SKA1: variants seen among roughly 807,000 people sequenced by gnomAD.
SKA1 encodes SKA complex subunit 1.
A neutral mutation model predicts 31.8 loss-of-function variants in SKA1; 20 were observed. The observed-to-expected ratio is 0.63, with a 90% confidence interval of 0.44 to 0.91. SKA1 has a LOEUF of 0.91. Ranked by LOEUF, SKA1 falls within the 40% of genes least tolerant of loss-of-function variation. The pLI, the probability that SKA1 is intolerant of heterozygous loss-of-function variation, is 0.00. For missense variants in SKA1, 253 were observed against 298.2 expected (o/e 0.85, Z 1.12); for synonymous variants, 88 against 100.5 (o/e 0.88, Z 0.74).
intron 4 of SKA1, 103 bp from the exon 5 acceptor site, chr18:50,385,113 C>A: frequency 1.1e-6 from 1 of 908,612 alleles, no homozygotes; most frequent in Non-Finnish European, 1.6e-6. Context: ...AAGATTATAA[C>A]AGGATGAGTT....
At chr18:50,386,208 A>C (rs918729287) in intron 5 of SKA1, among the ~76,000 whole-genome samples, 1 of 152,166 alleles carries the variant, frequency 6.6e-6, no homozygotes, top group Non-Finnish European at 1.5e-5. Flanking sequence ...AACTTGTAGC[A>C]TTTCCTCATT....
chr18:50,380,961 T>G (rs1395978214), intron 3 of SKA1, among the ~76,000 whole-genome samples: 1 of 152,240 alleles, frequency 6.6e-6, no homozygotes, highest in Admixed American at 6.5e-5. Flanking sequence ...CTGTAAAGAT[T>G]GTTCAGCTAT....
intron 2 of SKA1, among the ~76,000 whole-genome samples, chr18:50,376,249 A>G (rs1375423589): frequency 6.6e-6 from 1 of 152,164 alleles, no homozygotes; most frequent in Non-Finnish European, 1.5e-5. Context: ...AATGATGGAG[A>G]TGTGTTCTGA....
At chr18:50,383,013 G>C (rs944839371) in intron 4 of SKA1, among the ~76,000 whole-genome samples, 10 of 151,652 alleles carry the variant, frequency 6.6e-5, no homozygotes, top group African/African-American at 2.4e-4. Context: ...CAGGCTGGGC[G>C]ACAGAGTAAG....
intron 4 of SKA1, among the ~76,000 whole-genome samples, chr18:50,384,755 TA>T: frequency 7.5e-6 from 1 of 133,506 alleles, no homozygotes; most frequent in African/African-American, 3.5e-5. Context: ...TACCTAATGC[TA>T]GATGACACGT....
intron 4 of SKA1, among the ~76,000 whole-genome samples, chr18:50,384,871 T>TAAAAAAAAAAAAAAAAAAAAAAAAAAA (rs10608403): frequency 8.5e-5 from 7 of 82,600 alleles, no homozygotes; most frequent in South Asian, 4.2e-4. Flanking sequence ...AAAAAAAAAT[T>TAAAAAAAAAAAAAAAAAAAAAAAAAAA]AAAAAAAAAA....
Position 50,394,055 on chromosome 18 carries a change from G to C in SKA1, c.*1808G>C, listed in dbSNP as rs1379345219. The C allele has an allele frequency of 1.3e-5, 2 of 152,246 alleles. No individual in the cohort carries two copies. The highest frequency in any genetic ancestry group is 4.8e-5 in the African/African-American group (2 of 41,456). 9.4% of individuals were successfully genotyped at this position (152,246 alleles called of 1,614,324 possible). On this transcript the variant is annotated 3_prime_UTR_variant, in exon 7 of 7. Transcript: ENST00000285116. ...AGGTGACGCACTCCAGCTTTATGAA[G>C]TCAGCAAGTCCTGTGCTCAGGATGC...
At chr18:50,388,618 GTTTC>G (rs1349523273) in intron 5 of SKA1, among the ~76,000 whole-genome samples, 1 of 152,142 alleles carries the variant, frequency 6.6e-6, no homozygotes, top group Non-Finnish European at 1.5e-5. Context: ...CTTCTAAGGT[GTTTC>G]TTAGCTAGAC....
chr18:50,391,164 G>A lies in SKA1; in HGVS notation c.490G>A (p.Val164Ile), dbSNP rs2041353532. ...SRLTYNQIND[V>I]IKEINKAVIS... The stretch of plus-strand genomic sequence containing the variant: ...CTTAACCTATAATCAAATTAATGAT[G>A]TTATTAAAGAAATCAACAAGGCAGT... The change falls in exon 6 of 7, where the codon GTT (valine) becomes ATT (isoleucine). Residue 164 changes from valine to isoleucine, a missense_variant. Transcript: ENST00000285116. 2 of 1,578,586 alleles carry A rather than the reference G, an allele frequency of 1.3e-6. No individual in the cohort carries two copies. The highest frequency in any genetic ancestry group is 1.4e-5 in the African/African-American group (1 of 73,068).
intron 1 of SKA1, 25 bp from the exon 2 acceptor site, chr18:50,375,795 A>AAT (rs761189391): frequency 2.5e-5 from 35 of 1,404,636 alleles, no homozygotes; most frequent in Non-Finnish European, 3.1e-5. Context: ...TCTTGTTACG[A>AAT]ATATGTTTAT....
At chr18:50,380,789 C>T (rs1284733344) in intron 3 of SKA1, among the ~76,000 whole-genome samples, 1 of 152,194 alleles carries the variant, frequency 6.6e-6, no homozygotes, top group Admixed American at 6.5e-5. Context: ...TTATTCTAAA[C>T]AAGCCTTCAA....
chr18:50,381,706 G>A (rs17717589), intron 3 of SKA1, among the ~76,000 whole-genome samples: 6,623 of 145,360 alleles, frequency 0.046, 217 homozygotes, highest in Non-Finnish European at 0.07. Context: ...TGCATTTTCG[G>A]TACTCCAGTC....
At position 50,385,332 on chromosome 18, in the gene SKA1, A is replaced by G. The variant is rs1193109861; in HGVS notation, c.428A>G (p.Asp143Gly). 2.7e-5 allele frequency: 43 copies of G among 1,613,252 alleles called. No individual in the cohort carries two copies. Among genetic ancestry groups the G allele is most frequent in the Non-Finnish European group, 3.6e-5 (42 of 1,179,552 alleles). Residue 143 changes from aspartate (D) to glycine (G), a missense_variant, in exon 5 of 7, where the codon GAT becomes GGT. Transcript: ENST00000285116. ...SIKEMPFITC[D>G]EFNGVPSYMK... ...AAGGAAATGCCATTTATAACTTGTG[A>G]TGAGTTCAATGGTGTTCCTTCGTAA...
At chr18:50,385,067 A>G (rs1320314047) in intron 4 of SKA1, 149 bp from the exon 5 acceptor site, 1 of 601,888 alleles carries the variant, frequency 1.7e-6, no homozygotes, top group Non-Finnish European at 2.8e-6. Flanking sequence ...ATGTTCATGA[A>G]CAATAGACAT....
intron 6 of SKA1, 118 bp downstream of exon 6, chr18:50,391,411 C>A: frequency 2.0e-6 from 2 of 1,015,536 alleles, no homozygotes; most frequent in Non-Finnish European, 2.7e-6. Context: ...CAACCAGGAG[C>A]AGTTATCCTA....
At chr18:50,383,403 C>T (rs574240446) in intron 4 of SKA1, among the ~76,000 whole-genome samples, 3 of 152,282 alleles carry the variant, frequency 2.0e-5, no homozygotes, top group East Asian at 1.9e-4. Context: ...CTCCTACCTG[C>T]TTTACTCATT....
intron 3 of SKA1, among the ~76,000 whole-genome samples, chr18:50,381,722 GGTT>G (rs35759598): frequency 0.58 from 73,145 of 125,130 alleles, 21,243 homozygotes; most frequent in East Asian, 0.76. Context: ...CAGTCAATGT[GGTT>G]TTTTTTTTTT....
chr18:50,375,593 C>T (rs1446952722), intron 1 of SKA1, among the ~76,000 whole-genome samples: 2 of 152,224 alleles, frequency 1.3e-5, no homozygotes, highest in East Asian at 1.9e-4. Flanking sequence ...TATCCTCTTT[C>T]CCCTGGTTTG....
intron 5 of SKA1, among the ~76,000 whole-genome samples, chr18:50,387,331 G>A (rs900039089): frequency 2.6e-5 from 4 of 152,196 alleles, no homozygotes; most frequent in South Asian, 2.1e-4. Flanking sequence ...GAAGCACTGA[G>A]CATCTTTTCA....
Sources: gnomAD v4.1 joint callset for allele counts (sites outside exome capture counted in the v4.1 genomes callset) on GRCh38, gnomAD v4.1.1 for gene constraint, MANE v1.5 for transcripts, NCBI Gene and HGNC (gene_info 2026-07-23, HGNC 2026-07-21) for gene names.